SNRNP70: variants seen among roughly 807,000 people sequenced by gnomAD.
SNRNP70 encodes small nuclear ribonucleoprotein U1 subunit 70, also known as U1 small nuclear ribonucleoprotein 70 kDa.
A neutral mutation model predicts 50.5 loss-of-function variants in SNRNP70; 8 were observed. The observed-to-expected ratio is 0.16, with a 90% CI of 0.09 to 0.29. SNRNP70 has a LOEUF of 0.29. SNRNP70 is among the 10% of genes least tolerant of loss of function. The probability of loss-of-function intolerance (pLI) is 1.00; values close to 1 mark genes in which losing one functional copy is unlikely to be tolerated. For missense variants in SNRNP70, 529 were observed against 663.5 expected (o/e 0.80, Z 2.23); for synonymous variants, 320 against 252.9 (o/e 1.27, Z -2.52).
chr19:49,100,893 C>G (rs1444544889), intron 6 of SNRNP70, among the ~76,000 whole-genome samples: 1 of 152,080 alleles, frequency 6.6e-6, no homozygotes, highest in Non-Finnish European at 1.5e-5. Flanking sequence ...GTCCTCCTGA[C>G]TCCACGTAGA....
chr19:49,093,999 G>A (rs2122332948), intron 4 of SNRNP70, among the ~76,000 whole-genome samples: 1 of 152,202 alleles, frequency 6.6e-6, no homozygotes, highest in African/African-American at 2.4e-5. Flanking sequence ...CTCCAGCCCG[G>A]GCAATAAGAG....
At chr19:49,085,847 G>T (rs2040370896) in intron 1 of SNRNP70, among the ~76,000 whole-genome samples, 1 of 152,156 alleles carries the variant, frequency 6.6e-6, no homozygotes, top group African/African-American at 2.4e-5. Flanking sequence ...ACAGGCCCTT[G>T]CGGTGTGTGG....
chr19:49,095,721 G>A (rs1055778082), intron 4 of SNRNP70, among the ~76,000 whole-genome samples: 4 of 151,854 alleles, frequency 2.6e-5, no homozygotes, highest in East Asian at 1.9e-4. Context: ...ATGAGGTTTC[G>A]CTGTGTTGAT....
intron 7 of SNRNP70, chr19:49,102,444 C>G (rs2040600899): frequency 3.5e-6 from 1 of 283,318 alleles, no homozygotes; most frequent in Non-Finnish European, 7.2e-6. Flanking sequence ...TCCACCCAGC[C>G]TCTGATGACC....
Position 49,108,588 on chromosome 19 carries a change from A to C in SNRNP70, c.*145A>C. 3.6e-6 allele frequency: 4 copies of C among 1,121,476 alleles called. No homozygotes were observed. Among genetic ancestry groups the C allele is most frequent in the Non-Finnish European group, 4.9e-6 (4 of 816,056 alleles). The allele number at this position is 1,121,476 out of a possible 1,614,324, so 69.5% of individuals were successfully genotyped here. Reference sequence around the variant, plus strand: ...TCTGGCCCCTTGGATTTAAAAATAAAATTAATTTCCTGTTGATAGTGGGCA... The same window carrying C: ...TCTGGCCCCTTGGATTTAAAAATAACATTAATTTCCTGTTGATAGTGGGCA... On this transcript the variant is annotated 3_prime_UTR_variant, in exon 10 of 10. Transcript: ENST00000598441.
intron 2 of SNRNP70, among the ~76,000 whole-genome samples, chr19:49,088,030 T>C (rs1286987445): frequency 6.6e-6 from 1 of 151,644 alleles, no homozygotes; most frequent in African/African-American, 2.4e-5. Flanking sequence ...TAGCTGGGAT[T>C]ACAGGCATGC....
chr19:49,098,372 G>A (rs2040539227), intron 4 of SNRNP70, 55 bp from the exon 5 acceptor site: 1 of 1,406,446 alleles, frequency 7.1e-7, no homozygotes, highest in Non-Finnish European at 9.9e-7. Flanking sequence ...TATTTGTTTT[G>A]CTACCTGAGA....
chr19:49,086,383 G>C (rs767877162), intron 1 of SNRNP70, 22 bp from the exon 2 acceptor site: 6 of 1,606,620 alleles, frequency 3.7e-6, no homozygotes, highest in Non-Finnish European at 5.1e-6. Context: ...CTAACCTAAG[G>C]CTGTCCTGCT....
chr19:49,095,163 G>GC lies in SNRNP70; in HGVS notation c.266-3257dup, dbSNP rs112804267. Among the ~76,000 whole-genome samples, 604 of 152,268 alleles carry GC rather than the reference G, an allele frequency of 4.0e-3. 3 individuals carry two copies. Among genetic ancestry groups the GC allele is most frequent in the African/African-American group, 0.014 (577 of 41,556 alleles). On this transcript the variant is annotated intron_variant, in intron 4 of 9. Coordinates refer to ENST00000598441, the MANE Select transcript of SNRNP70 (RefSeq NM_003089.6). Reference sequence around the variant, plus strand: ...CTTTTTACCTTTAGTCACATTTGTGGCCCCCCCACCCCGGGTAAGCAAGTG... The same window carrying GC: ...CTTTTTACCTTTAGTCACATTTGTGGCCCCCCCCACCCCGGGTAAGCAAGTG...
chr19:49,104,615 C>T lies in SNRNP70; in HGVS notation c.476-19C>T. ...CTCTGGGGACTCCTCTCCCCTCCCCCTCCCCACATCTGTTACAGCCGCTTA... is the reference window on the plus strand; with the variant it reads ...CTCTGGGGACTCCTCTCCCCTCCCCTTCCCCACATCTGTTACAGCCGCTTA... On this transcript the variant is annotated intron_variant, in intron 7 of 9. Coordinates refer to ENST00000598441, the MANE Select transcript of SNRNP70 (RefSeq NM_003089.6). The surrounding 1 kb of genome is among the most constrained non-coding windows in gnomAD (Gnocchi z 5.4). The T allele has an allele frequency of 6.5e-7, 1 of 1,544,936 alleles. No individual in the cohort carries two copies. Among genetic ancestry groups the T allele is most frequent in the Non-Finnish European group, 8.8e-7 (1 of 1,141,192 alleles).
chr19:49,085,930 C>T (rs1383617562), intron 1 of SNRNP70, among the ~76,000 whole-genome samples: 1 of 152,174 alleles, frequency 6.6e-6, no homozygotes, highest in Non-Finnish European at 1.5e-5. Flanking sequence ...TTGCGGGGTC[C>T]AGGTCTGTTA....
chr19:49,100,285 C>T (rs1271421830), intron 6 of SNRNP70, among the ~76,000 whole-genome samples: 2 of 152,188 alleles, frequency 1.3e-5, no homozygotes, highest in Admixed American at 1.3e-4. Flanking sequence ...CTGACCCCAT[C>T]TCTGCTGACA....
chr19:49,107,501 C>A lies in SNRNP70; in HGVS notation c.578-124C>A. On this transcript the variant is annotated intron_variant, in intron 8 of 9. Transcript: ENST00000598441. The surrounding 1 kb of genome is among the most constrained non-coding windows in gnomAD (Gnocchi z 6.0). ...GCGGGATGAACTGCACGGGGGGACC[C>A]GGCCCTGTGAACACTAAGCCAGGGG... 1 of 841,596 alleles carries A rather than the reference C, an allele frequency of 1.2e-6. No individual in the cohort carries two copies. Among genetic ancestry groups the A allele is most frequent in the South Asian group, 1.5e-5 (1 of 65,016 alleles). The allele number at this position is 841,596 out of a possible 1,614,324, so 52.1% of individuals were successfully genotyped here. A position where few individuals can be genotyped will look rare whatever the true frequency, so the allele number is the denominator to read the frequency against.
chr19:49,092,408 C>T (rs554747372), intron 4 of SNRNP70, among the ~76,000 whole-genome samples: 4 of 147,232 alleles, frequency 2.7e-5, no homozygotes, highest in South Asian at 4.3e-4. Flanking sequence ...TGCCTGGTCA[C>T]CCCCCTCCTT....
rs1046612317 is a variant in SNRNP70 at position 49,101,438 on chromosome 19, T to C, written c.442T>C (p.Phe148Leu). 6.2e-7 allele frequency: 1 copy of C among 1,613,908 alleles called. No individual in the cohort carries two copies. The highest frequency in any genetic ancestry group is 8.5e-7 in the Non-Finnish European group (1 of 1,179,870). The change falls in exon 7 of 10, where the codon TTC becomes CTC. Residue 148 changes from phenylalanine (F) to leucine (L), a missense_variant. Phe to Leu is a conservative substitution (Grantham distance 22). Transcript: ENST00000598441. ...KRSGKPRGYA[F>L]IEYEHERDMH... The stretch of plus-strand genomic sequence containing the variant: ...GTCAGGAAAGCCCCGTGGCTATGCC[T>C]TCATCGAGTACGAACACGAGCGAGA...
chr19:49,102,530 TTC>T, intron 7 of SNRNP70: 1 of 208,778 alleles, frequency 4.8e-6, no homozygotes, highest in Admixed American at 5.1e-5. Context: ...ACTGGAGCCC[TTC>T]AGCCTTCCCT....
At chr19:49,097,138 A>G (rs537086430) in intron 4 of SNRNP70, among the ~76,000 whole-genome samples, 12 of 152,212 alleles carry the variant, frequency 7.9e-5, no homozygotes, top group Middle Eastern at 3.4e-3. Flanking sequence ...TTAAAAAAAA[A>G]AAAAATCTGA....
rs567282334 is a variant in SNRNP70, at chr19:49,085,501, G to C, written c.-146G>C. On this transcript the variant is annotated 5_prime_UTR_variant, in exon 1 of 10. Transcript: ENST00000598441. ...GGCTGAGCAGCGGCCTGGTGCGCTC[G>C]CTTAGCGGGCGACGGAATCAGACGG... 4.4e-6 allele frequency: 2 copies of C among 454,128 alleles called. No individual in the cohort carries two copies. Among genetic ancestry groups the C allele is most frequent in the African/African-American group, 2.0e-5 (1 of 50,124 alleles). The allele number at this position is 454,128 out of a possible 1,614,324, so 28.1% of individuals were successfully genotyped here.
chr19:49,094,473 G>A (rs12611410), intron 4 of SNRNP70, among the ~76,000 whole-genome samples: 2 of 151,918 alleles, frequency 1.3e-5, no homozygotes, highest in East Asian at 3.9e-4. Flanking sequence ...CACTCCAGCC[G>A]GGGTGACAGA....
Sources: allele counts gnomAD v4.1 joint callset (sites outside exome capture counted in the v4.1 genomes callset), GRCh38; gene constraint gnomAD v4.1.1; non-coding constraint Gnocchi (gnomAD v3.1); transcripts MANE v1.5; gene names NCBI Gene and HGNC (gene_info 2026-07-23, HGNC 2026-07-21).